Variants in TSPEAR observed in about 807,000 individuals in gnomAD.
TSPEAR encodes thrombospondin type laminin G domain and EAR repeats.
A neutral mutation model predicts 71.6 loss-of-function variants in TSPEAR; 69 were observed. The ratio of observed to expected loss-of-function variants is 0.96; its 90% CI spans 0.79 to 1.18. The LOEUF is 1.18. Among genes scored for constraint, TSPEAR ranks in the 50% most tolerant of loss-of-function variants. TSPEAR has a pLI of 0.00. For missense variants in TSPEAR, 971 were observed against 894.9 expected (o/e 1.09, Z -1.09); for synonymous variants, 402 against 387.2 (o/e 1.04, Z -0.45).
chr21:44,584,533 T>C (rs1211459662), intron 1 of TSPEAR, among the ~76,000 whole-genome samples: 3 of 152,224 alleles, frequency 2.0e-5, no homozygotes, highest in African/African-American at 7.2e-5. Flanking sequence ...TGTAACAGCT[T>C]AGTTTTTCTT....
At chr21:44,666,887 G>A in intron 1 of TSPEAR, 1 of 1,612,896 alleles carries the variant, frequency 6.2e-7, no homozygotes, top group Non-Finnish European at 8.5e-7. Flanking sequence ...TATGACACAT[G>A]GTGGCGTGTG....
intron 1 of TSPEAR, chr21:44,600,638 T>G: frequency 3.1e-6 from 5 of 1,613,576 alleles, no homozygotes; most frequent in Non-Finnish European, 4.2e-6. Context: ...GCGTCCACTA[T>G]GTCTGTCTGC....
At chr21:44,672,574 CA>C (rs71199617) in intron 1 of TSPEAR, among the ~76,000 whole-genome samples, 84,415 of 150,952 alleles carry the variant, frequency 0.56, 23,814 homozygotes, top group African/African-American at 0.66. Flanking sequence ...CGTCTCAAAA[CA>C]AAAAAAAAAG....
chr21:44,600,924 C>T (rs1555928494), intron 1 of TSPEAR: 2 of 1,611,714 alleles, frequency 1.2e-6, no homozygotes, highest in Admixed American at 1.7e-5. Context: ...CTTGCTGTGC[C>T]TCCTCCCCCT....
In TSPEAR at chr21:44,520,641, T is replaced by C. The variant is rs2838576; in HGVS notation, c.1566+1242A>G. The C allele has an allele frequency of 0.19, 29,616 of 152,206 alleles. 3,521 individuals carry two copies. Among genetic ancestry groups the C allele is most frequent in the African/African-American group, 0.34 (14,062 of 41,482 alleles). The allele number at this position is 152,206 out of a possible 1,614,324, so 9.4% of individuals were successfully genotyped here. A position where few individuals can be genotyped will look rare whatever the true frequency, so the allele number is the denominator to read the frequency against. On this transcript the variant is annotated intron_variant, in intron 9 of 11. Transcript: ENST00000323084. The surrounding 1 kb of genome is among the most constrained non-coding windows in gnomAD (Gnocchi z 4.2). ...CACTCCCGGTTTCCTAAGCTGCTCTTACTCCTGCTGGGTGGAGGGGCTCCA... is the reference window on the plus strand; with the variant it reads ...CACTCCCGGTTTCCTAAGCTGCTCTCACTCCTGCTGGGTGGAGGGGCTCCA...
intron 1 of TSPEAR, among the ~76,000 whole-genome samples, chr21:44,709,627 G>A (rs1988115804): frequency 1.3e-5 from 2 of 152,246 alleles, no homozygotes. Flanking sequence ...GCGGCTCCAC[G>A]CCGTGGGCAC....
At chr21:44,676,592 GT>G in intron 1 of TSPEAR, 1 of 730,502 alleles carries the variant, frequency 1.4e-6, no homozygotes, top group Non-Finnish European at 2.5e-6. Flanking sequence ...TGTTCCGAGA[GT>G]TTCTCAGACA....
At chr21:44,566,459 G>C (rs9974682) in intron 2 of TSPEAR, among the ~76,000 whole-genome samples, 1,743 of 152,168 alleles carry the variant, frequency 0.011, 32 homozygotes, top group African/African-American at 0.04. Context: ...TTACAGATTT[G>C]TCCAATCTCA....
chr21:44,683,009 T>C (rs1986683999), intron 1 of TSPEAR, among the ~76,000 whole-genome samples: 2 of 151,968 alleles, frequency 1.3e-5, no homozygotes, highest in Admixed American at 6.6e-5. Flanking sequence ...TGCTAGAGGA[T>C]TGAGAGTGAA....
rs782251009 is a variant in TSPEAR, at chr21:44,591,966, G to T, written c.83-23961C>A. 8.1e-6 allele frequency: 13 copies of T among 1,605,610 alleles called. No homozygotes were observed. The Admixed American group carries it at 2.0e-4, about 25-fold the overall frequency. On this transcript the variant is annotated intron_variant, in intron 1 of 11. Coordinates refer to ENST00000323084, the MANE Select transcript of TSPEAR (RefSeq NM_144991.3). ...CACAGCTCACACAGCTAGACTGCTG[G>T]CAGCACGAAGAGGAAATCCCAGAGC...
intron 1 of TSPEAR, among the ~76,000 whole-genome samples, chr21:44,604,704 G>A (rs782439547): frequency 1.3e-5 from 2 of 152,232 alleles, no homozygotes; most frequent in Admixed American, 1.3e-4. Flanking sequence ...TCACCACTGA[G>A]TATGGCATCA....
intron 2 of TSPEAR, among the ~76,000 whole-genome samples, chr21:44,557,179 T>C (rs1436082744): frequency 2.0e-5 from 3 of 152,206 alleles, no homozygotes; most frequent in Non-Finnish European, 4.4e-5. Flanking sequence ...CCATAGGTTT[T>C]GTCGGCTACA....
Position 44,692,241 on chromosome 21 carries a change from C to T in TSPEAR, c.82+19192G>A, listed in dbSNP as rs570767397. Among the ~76,000 whole-genome samples the T allele has an allele frequency of 1.3e-5, 2 of 152,280 alleles. 1 individual carries two copies. The highest frequency in any genetic ancestry group is 1.3e-4 in the Admixed American group (2 of 15,294). Reference sequence around the variant, plus strand: ...AACAGCATGTATGAAAAACCCACAGCTTGCATTATACTTGACAGTGAAAGA... The same window carrying T: ...AACAGCATGTATGAAAAACCCACAGTTTGCATTATACTTGACAGTGAAAGA... On this transcript the variant is annotated intron_variant, in intron 1 of 11. Transcript: ENST00000323084.
In TSPEAR at chr21:44,623,355, C is replaced by T. The variant is rs1982570087; in HGVS notation, c.83-55350G>A. Among the ~76,000 whole-genome samples the T allele has an allele frequency of 6.6e-6, 1 of 152,112 alleles. No individual in the cohort carries two copies. The highest frequency in any genetic ancestry group is 2.4e-5 in the African/African-American group (1 of 41,420). On this transcript the variant is annotated intron_variant, in intron 1 of 11. Coordinates refer to ENST00000323084, the MANE Select transcript of TSPEAR (RefSeq NM_144991.3). This position sits in a 1 kb window ranked among gnomAD's most constrained non-coding sequence, Gnocchi z 4.5. ...TGTAAATTAGATCTTATATTATTTCCCAGATAGTATAGTGTACTAAGACTG... is the reference window on the plus strand; with the variant it reads ...TGTAAATTAGATCTTATATTATTTCTCAGATAGTATAGTGTACTAAGACTG...
At chr21:44,625,637 C>T (rs749083423) in intron 1 of TSPEAR, among the ~76,000 whole-genome samples, 6 of 152,238 alleles carry the variant, frequency 3.9e-5, no homozygotes, top group Non-Finnish European at 7.3e-5. Context: ...CGGGGAAGGC[C>T]GCGGGGAGCG....
chr21:44,547,226 G>T (rs782276155), intron 2 of TSPEAR, among the ~76,000 whole-genome samples: 5 of 152,052 alleles, frequency 3.3e-5, no homozygotes, highest in Non-Finnish European at 7.4e-5. Flanking sequence ...TTTCTGTTTG[G>T]TTTCTTTTTA....
chr21:44,518,418 A>G (rs1555913797), intron 9 of TSPEAR: 1 of 404,102 alleles, frequency 2.5e-6, no homozygotes, highest in Non-Finnish European at 5.1e-6. Flanking sequence ...GTGTTATCAC[A>G]GGGGCTTTAG....
intron 2 of TSPEAR, chr21:44,550,796 G>A: frequency 6.2e-7 from 1 of 1,612,440 alleles, no homozygotes; most frequent in Non-Finnish European, 8.5e-7. Flanking sequence ...AGCAGGAGGA[G>A]GTGCAGCAAG....
chr21:44,612,401 C>G lies in TSPEAR; in HGVS notation c.83-44396G>C. On this transcript the variant is annotated intron_variant, in intron 1 of 11. Coordinates refer to ENST00000323084, the MANE Select transcript of TSPEAR (RefSeq NM_144991.3). This position sits in a 1 kb window ranked among gnomAD's most constrained non-coding sequence, Gnocchi z 4.1. ...CTCCTGCACACCTTCATGCTGCCAG[C>G]AGTCTAGCTGCCAGCCGGCTTGCTG... 6.2e-7 allele frequency: 1 copy of G among 1,614,078 alleles called. No individual in the cohort carries two copies. Among genetic ancestry groups the G allele is most frequent in the East Asian group, 2.2e-5 (1 of 44,876 alleles).
Sources: gnomAD v4.1 joint callset for allele counts (sites outside exome capture counted in the v4.1 genomes callset) on GRCh38, gnomAD v4.1.1 for gene constraint, Gnocchi (gnomAD v3.1) non-coding constraint, MANE v1.5 for transcripts, NCBI Gene and HGNC (gene_info 2026-07-23, HGNC 2026-07-21) for gene names.